OXCT1: variants seen among roughly 807,000 people sequenced by gnomAD.
OXCT1 encodes the protein 3-oxoacid CoA-transferase 1.
OXCT1 carries 27 observed loss-of-function variants against 69.6 expected under a neutral mutation model. The observed-to-expected ratio is 0.39, with a 90% CI of 0.29 to 0.54. The LOEUF (loss-of-function observed/expected upper bound fraction) is 0.54. Among genes scored for constraint, OXCT1 ranks in the 20% least tolerant of loss-of-function variants. The pLI is 0.72. For synonymous variants in OXCT1, 202 were observed against 217.8 expected (o/e 0.93, Z 0.64); for missense variants, 437 against 650.2 (o/e 0.67, Z 3.57).
At chr5:41,769,693 C>T (rs1457992446) in intron 13 of OXCT1, among the ~76,000 whole-genome samples, 1 of 152,020 alleles carries the variant, frequency 6.6e-6, no homozygotes, top group Admixed American at 6.6e-5. Flanking sequence ...TGGACTCCAA[C>T]CTGGTCGACA....
At chr5:41,774,462 A>G (rs1165296225) in intron 13 of OXCT1, among the ~76,000 whole-genome samples, 1 of 152,212 alleles carries the variant, frequency 6.6e-6, no homozygotes, top group African/African-American at 2.4e-5. Context: ...GGCACAAGAA[A>G]TATAAGATGA....
In OXCT1 at chr5:41,869,452, A is replaced by G. The variant is rs987224066; in HGVS notation, c.78+829T>C. Reference sequence around the variant, plus strand: ...CAGGGGTGGGCTTACAAGCGAGGACAGTGCATAAGGCAAAACCACAAGTCA... The same window carrying G: ...CAGGGGTGGGCTTACAAGCGAGGACGGTGCATAAGGCAAAACCACAAGTCA... On this transcript the variant is annotated intron_variant, in intron 1 of 16. Coordinates refer to ENST00000196371, the MANE Select transcript of OXCT1 (RefSeq NM_000436.4). Among the ~76,000 whole-genome samples the G allele has an allele frequency of 2.0e-5, 3 of 152,328 alleles. No individual in the cohort carries two copies. The East Asian group carries it at 5.8e-4, about 29-fold the overall frequency.
intron 13 of OXCT1, among the ~76,000 whole-genome samples, chr5:41,773,004 C>T (rs1744949277): frequency 6.6e-6 from 1 of 152,158 alleles, no homozygotes. Flanking sequence ...AGCACAATGT[C>T]ACTCTGGGAG....
At chr5:41,815,696 C>T (rs1747205894) in intron 7 of OXCT1, among the ~76,000 whole-genome samples, 1 of 152,068 alleles carries the variant, frequency 6.6e-6, no homozygotes, top group Non-Finnish European at 1.5e-5. Flanking sequence ...AAGCACCAGT[C>T]TTATCTATAA....
At chr5:41,737,863 G>C (rs1299132851) in intron 16 of OXCT1, among the ~76,000 whole-genome samples, 1 of 152,200 alleles carries the variant, frequency 6.6e-6, no homozygotes, top group Non-Finnish European at 1.5e-5. Context: ...AGACCATCCT[G>C]GCTAGCACGG....
intron 1 of OXCT1, among the ~76,000 whole-genome samples, chr5:41,868,722 CA>C (rs557078550): frequency 4.6e-3 from 470 of 101,886 alleles, no homozygotes; most frequent in African/African-American, 0.013. Context: ...GACTCCGTCT[CA>C]AAAAAAAAAA....
At chr5:41,818,650 G>A (rs1260112333) in intron 7 of OXCT1, among the ~76,000 whole-genome samples, 1 of 151,928 alleles carries the variant, frequency 6.6e-6, no homozygotes, top group African/African-American at 2.4e-5. Context: ...ATTAATTTTT[G>A]GTTGTGTACC....
intron 1 of OXCT1, among the ~76,000 whole-genome samples, chr5:41,864,123 C>T (rs1749860339): frequency 6.6e-6 from 1 of 152,176 alleles, no homozygotes; most frequent in South Asian, 2.1e-4. Flanking sequence ...TTTCCCTTTC[C>T]CCTACTTCAT....
chr5:41,840,659 A>G, intron 6 of OXCT1, 148 bp from the exon 7 acceptor site: 1 of 578,766 alleles, frequency 1.7e-6, no homozygotes, highest in Non-Finnish European at 3.1e-6. Flanking sequence ...TTCCATTAAT[A>G]AAGTTTCATA....
chr5:41,787,669 A>C (rs1310839661), intron 13 of OXCT1, among the ~76,000 whole-genome samples: 1 of 150,160 alleles, frequency 6.7e-6, no homozygotes, highest in Non-Finnish European at 1.5e-5. Flanking sequence ...GCCCAAAACT[A>C]ACACAGGTCT....
At chr5:41,785,860 AAGGGT>A (rs1745615856) in intron 13 of OXCT1, among the ~76,000 whole-genome samples, 2 of 152,242 alleles carry the variant, frequency 1.3e-5, no homozygotes, top group Non-Finnish European at 2.9e-5. Context: ...AGGAAGGGGT[AAGGGT>A]ATGCCTGCTG....
chr5:41,853,094 C>T (rs1749260013), intron 4 of OXCT1, among the ~76,000 whole-genome samples: 1 of 152,008 alleles, frequency 6.6e-6, no homozygotes, highest in South Asian at 2.1e-4. Context: ...AAAATAAATT[C>T]CTATAAATTA....
chr5:41,840,566 C>T (rs1748580042), intron 6 of OXCT1, 55 bp from the exon 7 acceptor site: 1 of 1,040,006 alleles, frequency 9.6e-7, no homozygotes, highest in South Asian at 1.3e-5. Context: ...AAATAAGCAT[C>T]TCTGTCACCT....
chr5:41,730,950 T>C lies in OXCT1; in HGVS notation c.*779A>G, dbSNP rs1288914167. 1.3e-5 allele frequency: 2 copies of C among 152,210 alleles called. No individual in the cohort carries two copies. Among genetic ancestry groups the C allele is most frequent in the Non-Finnish European group, 2.9e-5 (2 of 68,042 alleles). 9.4% of individuals were successfully genotyped at this position (152,210 alleles called of 1,614,324 possible). A position where few individuals can be genotyped will look rare whatever the true frequency, so the allele number is the denominator to read the frequency against. On this transcript the variant is annotated 3_prime_UTR_variant, in exon 17 of 17. Transcript: ENST00000196371. ...ATGGTAAATTATCCCACAGCCCTTCTTGGCTTGAGAGGAGGTACAGTACAA... is the reference window on the plus strand; with the variant it reads ...ATGGTAAATTATCCCACAGCCCTTCCTGGCTTGAGAGGAGGTACAGTACAA...
intron 3 of OXCT1, among the ~76,000 whole-genome samples, chr5:41,854,340 T>C (rs1749330581): frequency 1.3e-5 from 2 of 152,200 alleles, no homozygotes; most frequent in South Asian, 2.1e-4. Flanking sequence ...TATTTTTTCA[T>C]TGGGTGAAGG....
chr5:41,800,942 G>C, intron 11 of OXCT1, 80 bp downstream of exon 11: 1 of 1,237,036 alleles, frequency 8.1e-7, no homozygotes, highest in East Asian at 2.3e-5. Context: ...TCCAGGAAAA[G>C]ACAAAGAATT....
chr5:41,842,701 C>A lies in OXCT1; in HGVS notation c.645G>T (p.Ala215=), dbSNP rs778133491. The change falls in exon 6 of 17, where the codon GCG becomes GCT. Residue 215 remains alanine, a synonymous_variant. Coordinates refer to ENST00000196371, the MANE Select transcript of OXCT1 (RefSeq NM_000436.4). ...GDFALVKAWK[A]DRAGNVIFRK... ...TGAAAATCACGTTTCCTGCTCGGTC[C>A]GCCTTCCAGGCTTTCACCAAAGCAA... 6.2e-7 allele frequency: 1 copy of A among 1,613,392 alleles called. No individual in the cohort carries two copies. Among genetic ancestry groups the A allele is most frequent in the Admixed American group, 1.7e-5 (1 of 60,004 alleles).
chr5:41,830,267 C>A (rs1246967469), intron 7 of OXCT1, among the ~76,000 whole-genome samples: 1 of 152,150 alleles, frequency 6.6e-6, no homozygotes, highest in Non-Finnish European at 1.5e-5. Context: ...AGTATTCTGC[C>A]GAAGGACTAA....
intron 11 of OXCT1, among the ~76,000 whole-genome samples, chr5:41,797,067 T>G (rs1561084041): frequency 2.6e-5 from 4 of 152,192 alleles, no homozygotes; most frequent in Non-Finnish European, 4.4e-5. Flanking sequence ...TCCTCATCAG[T>G]CCTGTGGGAA....
Sources: gnomAD v4.1 joint callset for allele counts (sites outside exome capture counted in the v4.1 genomes callset) on GRCh38, gnomAD v4.1.1 for gene constraint, MANE v1.5 for transcripts, NCBI Gene and HGNC (gene_info 2026-07-23, HGNC 2026-07-21) for gene names.